Variants in KALRN observed in about 807,000 individuals in gnomAD.
KALRN encodes kalirin RhoGEF kinase, also known as kalirin.
In KALRN, 70 loss-of-function variants were observed where a neutral mutation model predicts 353.7. The observed-to-expected ratio is 0.20, with a 90% CI of 0.16 to 0.24. KALRN has a LOEUF of 0.24. KALRN is among the 10% of genes least tolerant of loss of function. KALRN has a pLI of 1.00. For missense variants in KALRN, 2,791 were observed against 3,756.7 expected (o/e 0.74, Z 6.72); for synonymous variants, 1,391 against 1,434.8 (o/e 0.97, Z 0.69).
At chr3:124,250,309 G>A (rs980909566) in intron 3 of KALRN, among the ~76,000 whole-genome samples, 1 of 152,252 alleles carries the variant, frequency 6.6e-6, no homozygotes, top group Non-Finnish European at 1.5e-5. Flanking sequence ...GCTGGAGAGT[G>A]TGTGGGGGTT....
chr3:124,194,809 G>T (rs546654697), intron 1 of KALRN, among the ~76,000 whole-genome samples: 1 of 152,166 alleles, frequency 6.6e-6, no homozygotes, highest in African/African-American at 2.4e-5. Context: ...TCAGATTTCA[G>T]CTTGGCCCTG....
intron 6 of KALRN, among the ~76,000 whole-genome samples, chr3:124,313,548 A>C (rs1417793951): frequency 6.6e-6 from 1 of 152,160 alleles, no homozygotes; most frequent in East Asian, 1.9e-4. Flanking sequence ...TCTTGGCACC[A>C]TTGTCAGCAT....
intron 51 of KALRN, among the ~76,000 whole-genome samples, chr3:124,680,893 G>A (rs1172416158): frequency 2.0e-5 from 3 of 152,232 alleles, no homozygotes; most frequent in African/African-American, 7.2e-5. Flanking sequence ...AAGGAAGCCA[G>A]GGGAAATTTC....
At chr3:124,170,096 G>A (rs763628171) in intron 1 of KALRN, among the ~76,000 whole-genome samples, 119 of 152,248 alleles carry the variant, frequency 7.8e-4, no homozygotes, top group Non-Finnish European at 1.3e-3. Flanking sequence ...TACTTGGGAC[G>A]TGTGGTAAAA....
At chr3:124,078,164 CT>C (rs1488256670) in intron 1 of KALRN, among the ~76,000 whole-genome samples, 1 of 152,132 alleles carries the variant, frequency 6.6e-6, no homozygotes, top group East Asian at 1.9e-4. Flanking sequence ...TAATATTCAT[CT>C]TTTTGTGGTG....
chr3:124,578,357 A>G (rs1313644343), intron 34 of KALRN, among the ~76,000 whole-genome samples: 1 of 151,590 alleles, frequency 6.6e-6, no homozygotes, highest in Non-Finnish European at 1.5e-5. Flanking sequence ...CAGGCAGTTC[A>G]TAGATCAGAA....
At chr3:124,089,553 C>T (rs933591960) in intron 1 of KALRN, among the ~76,000 whole-genome samples, 3 of 151,702 alleles carry the variant, frequency 2.0e-5, no homozygotes, top group East Asian at 1.9e-4. Flanking sequence ...TGACTGGCTG[C>T]GAGGGAAACA....
In KALRN at chr3:124,170,831, C is replaced by CTTTTT. The variant is rs752783614; in HGVS notation, c.74-57124_74-57120dup. ...TATAAACTCCTTCCACTTCCACATT[C>CTTTTT]TTTTTTTTTTTTTTTTTTTTTTTTT... On this transcript the variant is annotated intron_variant, in intron 1 of 59. Coordinates refer to ENST00000682506, the MANE Select transcript of KALRN (RefSeq NM_001388419.1). Among the ~76,000 whole-genome samples the CTTTTT allele has an allele frequency of 5.0e-3, 234 of 47,142 alleles. 55 individuals are homozygous for CTTTTT. The highest frequency in any genetic ancestry group is 6.3e-3 in the Non-Finnish European group (161 of 25,530). The allele number at this position is 47,142 out of a possible 152,430, so 30.9% of individuals were successfully genotyped here.
intron 10 of KALRN, among the ~76,000 whole-genome samples, chr3:124,376,183 G>A (rs929766914): frequency 6.6e-6 from 1 of 152,168 alleles, no homozygotes; most frequent in Non-Finnish European, 1.5e-5. Context: ...ACTTGTGTTG[G>A]GAGGTATTGG....
intron 47 of KALRN, among the ~76,000 whole-genome samples, chr3:124,668,549 G>T (rs2150337589): frequency 6.6e-6 from 1 of 152,322 alleles, no homozygotes; most frequent in Non-Finnish European, 1.5e-5. Context: ...AATAGAAGGA[G>T]ATCATGTAAC....
chr3:124,260,655 G>A (rs1249885233), intron 3 of KALRN, among the ~76,000 whole-genome samples: 2 of 152,034 alleles, frequency 1.3e-5, no homozygotes, highest in African/African-American at 4.8e-5. Flanking sequence ...GAAGAGGGAT[G>A]TGCAGCACAG....
intron 3 of KALRN, among the ~76,000 whole-genome samples, chr3:124,241,923 G>A (rs1161864957): frequency 6.6e-6 from 1 of 152,198 alleles, no homozygotes; most frequent in African/African-American, 2.4e-5. Context: ...AACACTGGGG[G>A]TGGGCAAAGG....
At chr3:124,614,622 A>C (rs1364868062) in intron 34 of KALRN, among the ~76,000 whole-genome samples, 1 of 149,982 alleles carries the variant, frequency 6.7e-6, no homozygotes, top group East Asian at 2.0e-4. Context: ...CCAGGCTGGA[A>C]TGTAGTGGCA....
intron 34 of KALRN, among the ~76,000 whole-genome samples, chr3:124,587,652 A>G (rs1307149658): frequency 6.9e-6 from 1 of 144,984 alleles, no homozygotes; most frequent in Non-Finnish European, 1.5e-5. Flanking sequence ...TTGGAAGAGT[A>G]TGGAAAGCGA....
intron 37 of KALRN, among the ~76,000 whole-genome samples, chr3:124,647,706 G>A (rs1007885230): frequency 6.6e-6 from 1 of 152,160 alleles, no homozygotes; most frequent in Non-Finnish European, 1.5e-5. Flanking sequence ...TATTTAGCAT[G>A]TAGTAGATGT....
Position 124,118,123 on chromosome 3 carries a change from GCCTTCCCT to G in KALRN, c.73+84312_73+84319del, listed in dbSNP as rs2063622817. On this transcript the variant is annotated intron_variant, in intron 1 of 59. Coordinates refer to ENST00000682506, the MANE Select transcript of KALRN (RefSeq NM_001388419.1). ...GGCATGGAGGTAGGCAGAGGAGAGT[GCCTTCCCT>G]CAGGGTGACTGTCAGACTTTCCAGC... Among the ~76,000 whole-genome samples, 4 of 152,196 alleles carry G rather than the reference GCCTTCCCT, an allele frequency of 2.6e-5. No individual in the cohort carries two copies. The South Asian group carries it at 8.3e-4, about 32-fold the overall frequency.
intron 33 of KALRN, among the ~76,000 whole-genome samples, chr3:124,512,754 T>C (rs185487485): frequency 6.6e-6 from 1 of 152,274 alleles, no homozygotes; most frequent in Non-Finnish European, 1.5e-5. Context: ...CATATGTACA[T>C]ACATACGTAT....
chr3:124,206,316 T>A (rs1295315381), intron 1 of KALRN, among the ~76,000 whole-genome samples: 1 of 152,120 alleles, frequency 6.6e-6, no homozygotes, highest in Non-Finnish European at 1.5e-5. Context: ...GAAGAGAGAA[T>A]GTGGAGGACA....
At chr3:124,620,831 A>C (rs1464138860) in intron 34 of KALRN, among the ~76,000 whole-genome samples, 3 of 152,214 alleles carry the variant, frequency 2.0e-5, no homozygotes, top group East Asian at 3.8e-4. Context: ...AGAGGATTAC[A>C]CAGGAGAACC....
Sources: allele counts gnomAD v4.1 joint callset (sites outside exome capture counted in the v4.1 genomes callset), GRCh38; gene constraint gnomAD v4.1.1; transcripts MANE v1.5; gene names NCBI Gene and HGNC (gene_info 2026-07-23, HGNC 2026-07-21).